The following CYP4A22 variants were observed in gnomAD, a reference collection of about 807,000 sequenced individuals.
CYP4A22 encodes cytochrome P450 4A22.
Under a neutral mutation model 56.2 loss-of-function variants are expected in CYP4A22, and 46 were observed. That is an observed-to-expected ratio of 0.82 (90% CI 0.65 to 1.05). The LOEUF is 1.05. Among genes scored for constraint, CYP4A22 ranks in the 50% least tolerant of loss-of-function variants. The probability of loss-of-function intolerance (pLI) is 0.00; values close to 1 mark genes in which losing one functional copy is unlikely to be tolerated. For synonymous variants in CYP4A22, 193 were observed against 251.1 expected (o/e 0.77, Z 2.19); for missense variants, 541 against 645.9 (o/e 0.84, Z 1.76).
At position 47,141,553 on chromosome 1, in the gene CYP4A22, C is replaced by T; in HGVS notation, c.338-18C>T. The stretch of plus-strand genomic sequence containing the variant: ...TAGTAACTCCTAGTTTCCTATAAAG[C>T]CCTTTCTTACTTTTCAGACCCGAAA... On this transcript the variant is annotated intron_variant, in intron 2 of 11. Transcript: ENST00000371891. 2 of 1,613,028 alleles carry T rather than the reference C, an allele frequency of 1.2e-6. No homozygotes were observed. Among genetic ancestry groups the T allele is most frequent in the Non-Finnish European group, 1.7e-6 (2 of 1,179,316 alleles).
rs746864745 is a variant in CYP4A22 at position 47,148,610 on chromosome 1, T to A, written c.1373T>A (p.Ile458Asn). ...GTCTCCGCCTGGCCCAGGAACTGCA[T>A]CGGGAAACAATTTGCCATGAACCAG... ...LPFSGGSRNC[I>N]GKQFAMNQLK... Residue 458 changes from isoleucine to asparagine, a missense_variant, in exon 12 of 12, where the codon ATC (isoleucine) becomes AAC (asparagine). Transcript: ENST00000371891. 2.2e-5 allele frequency: 35 copies of A among 1,610,306 alleles called. No individual in the cohort carries two copies. The highest frequency in any genetic ancestry group is 2.5e-6 in the Non-Finnish European group (3 of 1,177,878).
Position 47,137,820 on chromosome 1 carries a change from T to C in CYP4A22, c.195+140T>C, listed in dbSNP as rs989231576. 8.9e-5 allele frequency: 124 copies of C among 1,389,726 alleles called. 1 individual carries two copies. Among genetic ancestry groups the C allele is most frequent in the Admixed American group, 3.8e-4 (13 of 34,578 alleles). 86.1% of individuals were successfully genotyped at this position (1,389,726 alleles called of 1,614,324 possible). ...GGAACACCCAGCCTACCTCTCTGGT[T>C]TCAGCTTGTCCCAGTCATGAGGAGC... On this transcript the variant is annotated intron_variant, in intron 1 of 11. Transcript: ENST00000371891.
At chr1:47,146,308 C>G (rs1434474956) in intron 11 of CYP4A22, 155 bp downstream of exon 11, 7 of 1,537,850 alleles carry the variant, frequency 4.6e-6, no homozygotes, top group Non-Finnish European at 2.6e-6. Flanking sequence ...GTGTGGGCGT[C>G]TCTGTGTACA....
rs761854619 is a variant in CYP4A22, at chr1:47,137,586, C to T, written c.101C>T (p.Ala34Val). 1.2e-6 allele frequency: 2 copies of T among 1,614,226 alleles called. No individual in the cohort carries two copies. The highest frequency in any genetic ancestry group is 1.7e-6 in the Non-Finnish European group (2 of 1,180,026). ...ATTCTGCTTCTGCTGCTGATCAAGG[C>T]AGCTCAGCTCTACCTGCATAGGCAG... is the stretch of plus-strand genomic sequence containing the variant. ...LLILLLLLIKAAQLYLHRQWL... is the reference protein window; with the variant it reads ...LLILLLLLIKVAQLYLHRQWL... Residue 34 changes from alanine (A) to valine (V), a missense_variant, in exon 1 of 12, where the codon GCA becomes GTA. This residue lies in a region of CYP4A22 where 335 missense variants were observed against 361.2 expected (regional missense o/e 0.93). Transcript: ENST00000371891.
At position 47,140,915 on chromosome 1, in the gene CYP4A22, A is replaced by G; in HGVS notation, c.331A>G (p.Arg111Gly). ...DPDYMKVILG[R>G]SDPKSHGSYK... The stretch of plus-strand genomic sequence containing the variant: ...TGACTATATGAAGGTGATTCTGGGG[A>G]GATCAGGTGAGATCGAACCCCCATC... The change falls in exon 2 of 12, where the codon AGA (arginine) becomes GGA (glycine). Residue 111 changes from arginine to glycine, a missense_variant. Arg to Gly is a moderately radical substitution (Grantham distance 125, BLOSUM62 -2). This residue lies in a region of CYP4A22 where 335 missense variants were observed against 361.2 expected (regional missense o/e 0.93). Transcript: ENST00000371891. 2 of 1,613,812 alleles carry G rather than the reference A, an allele frequency of 1.2e-6. No homozygotes were observed. Among genetic ancestry groups the G allele is most frequent in the Non-Finnish European group, 1.7e-6 (2 of 1,179,912 alleles).
At chr1:47,147,398 T>A in intron 11 of CYP4A22, 1 of 985,304 alleles carries the variant, frequency 1.0e-6, no homozygotes, top group Non-Finnish European at 1.2e-6. Flanking sequence ...ATTAAAGTAT[T>A]TCTTAAGCTA....
At chr1:47,142,598 G>C (rs1178765148) in intron 4 of CYP4A22, among the ~76,000 whole-genome samples, 2 of 152,234 alleles carry the variant, frequency 1.3e-5, no homozygotes, top group East Asian at 1.9e-4. Context: ...GTGGCAGCAT[G>C]GACAGGCCAA....
At chr1:47,147,803 C>T (rs1448355355) in intron 11 of CYP4A22, among the ~76,000 whole-genome samples, 2 of 152,146 alleles carry the variant, frequency 1.3e-5, no homozygotes, top group Non-Finnish European at 2.9e-5. Context: ...CAAGAGCCCA[C>T]GGAGGGCTTG....
In CYP4A22 at chr1:47,146,103, G is replaced by A. The variant is rs377454198; in HGVS notation, c.1314G>A (p.Pro438=). Residue 438 remains proline (P), a synonymous_variant, in exon 11 of 12, where the codon CCG becomes CCA. Transcript: ENST00000371891. ...TGTTTGACCCTTCCCGTTTTGCACCGGGTTCTGCTCAACACAGCCACGCTT... is the reference window on the plus strand; with the variant it reads ...TGTTTGACCCTTCCCGTTTTGCACCAGGTTCTGCTCAACACAGCCACGCTT... The part of the protein sequence containing the change: ...LEVFDPSRFA[P]GSAQHSHAFL... 1.7e-5 allele frequency: 28 copies of A among 1,613,992 alleles called. No individual in the cohort carries two copies. The highest frequency in any genetic ancestry group is 9.9e-5 in the South Asian group (9 of 91,086).
chr1:47,146,001 G>A (rs1645071781), intron 10 of CYP4A22, 71 bp downstream of exon 10: 3 of 1,614,052 alleles, frequency 1.9e-6, no homozygotes, highest in South Asian at 2.2e-5. Context: ...TTCCACCTCT[G>A]GGAGTACTGT....
chr1:47,147,322 T>C, intron 11 of CYP4A22: 1 of 985,404 alleles, frequency 1.0e-6, no homozygotes, highest in African/African-American at 1.7e-5. Flanking sequence ...TCAGAACTAA[T>C]ATTTTACTCT....
chr1:47,140,416 CA>C (rs1644994817), intron 1 of CYP4A22, among the ~76,000 whole-genome samples: 1 of 152,052 alleles, frequency 6.6e-6, no homozygotes, highest in Non-Finnish European at 1.5e-5. Context: ...TTAAAATGTT[CA>C]CATTAATTCA....
At chr1:47,143,637 T>G (rs544611079) in intron 5 of CYP4A22, 125 bp from the exon 6 acceptor site, 2 of 1,380,400 alleles carry the variant, frequency 1.4e-6, no homozygotes, top group African/African-American at 2.9e-5. Context: ...GGCTGTAAGA[T>G]AGAAGAAACA....
chr1:47,148,031 C>T (rs1372435685), intron 11 of CYP4A22, among the ~76,000 whole-genome samples: 3 of 152,090 alleles, frequency 2.0e-5, no homozygotes, highest in Non-Finnish European at 4.4e-5. Flanking sequence ...GGAGCCCGGA[C>T]CCTGGGGTGG....
rs1320650403 is a variant in CYP4A22, at chr1:47,140,887, C to A, written c.303C>A (p.Asp101Glu). ...WGGKVRVQLY[D>E]PDYMKVILGR... ...GCAAAGTTCGTGTCCAGCTCTATGA[C>A]CCTGACTATATGAAGGTGATTCTGG... Residue 101 changes from aspartate (D) to glutamate (E), a missense_variant, in exon 2 of 12, where the codon GAC becomes GAA. Around this residue, in one of 3 missense-constraint regions of CYP4A22, gnomAD observed 335 missense variants for 361.2 expected, o/e 0.93. Transcript: ENST00000371891. The A allele has an allele frequency of 4.3e-6, 7 of 1,614,124 alleles. No homozygotes were observed. Among genetic ancestry groups the A allele is most frequent in the Non-Finnish European group, 5.9e-6 (7 of 1,180,016 alleles).
rs1297082427 is a variant in CYP4A22 at position 47,148,686 on chromosome 1, T to A, written c.1449T>A (p.Asp483Glu). 8 of 1,613,938 alleles carry A rather than the reference T, an allele frequency of 5.0e-6. No individual in the cohort carries two copies. The African/African-American group carries it at 1.1e-4, about 22-fold the overall frequency. The part of the protein sequence containing the change: ...LTLLRFELLP[D>E]PTRIPIPMAR... ...TGCTCCGCTTTGAGCTGCTGCCTGA[T>A]CCCACCAGGATCCCCATCCCCATGG... Residue 483 changes from aspartate to glutamate, a missense_variant, in exon 12 of 12, where the codon GAT (aspartate) becomes GAA (glutamate). Transcript: ENST00000371891.
chr1:47,144,672 C>A lies in CYP4A22; in HGVS notation c.1020C>A (p.His340Gln), dbSNP rs756911556. The A allele has an allele frequency of 2.5e-6, 4 of 1,613,774 alleles. No homozygotes were observed. Among genetic ancestry groups the A allele is most frequent in the Non-Finnish European group, 3.4e-6 (4 of 1,179,884 alleles). The change falls in exon 8 of 12, where the codon CAC (histidine) becomes CAA (glutamine). Residue 340 changes from histidine to glutamine, a missense_variant. Around this residue, in one of 3 missense-constraint regions of CYP4A22, gnomAD observed 204 missense variants for 258.9 expected, o/e 0.79. Coordinates refer to ENST00000371891, the MANE Select transcript of CYP4A22 (RefSeq NM_001010969.4). ...GGATCCTCTATGCTCTGGCCACACA[C>A]CCCAAGCATCAGGAGAGGTGCCGGG... ...ISWILYALAT[H>Q]PKHQERCREE...
At position 47,148,666 on chromosome 1, in the gene CYP4A22, C is replaced by T. The variant is rs777531624; in HGVS notation, c.1429C>T (p.Arg477Cys). 2.6e-5 allele frequency: 42 copies of T among 1,613,944 alleles called. No individual in the cohort carries two copies. The highest frequency in any genetic ancestry group is 2.0e-4 in the Admixed American group (12 of 59,990). ...LKVARALTLL[R>C]FELLPDPTRI... ...GGTGGCCAGGGCCCTGACCCTGCTC[C>T]GCTTTGAGCTGCTGCCTGATCCCAC... Residue 477 changes from arginine (R) to cysteine (C), a missense_variant, in exon 12 of 12, where the codon CGC becomes TGC. Physicochemically the swap from Arg to Cys is radical, Grantham distance 180 (BLOSUM62 -3). Around this residue, in one of 3 missense-constraint regions of CYP4A22, gnomAD observed 204 missense variants for 258.9 expected, o/e 0.79. Coordinates refer to ENST00000371891, the MANE Select transcript of CYP4A22 (RefSeq NM_001010969.4).
At chr1:47,143,129 C>G in intron 4 of CYP4A22, 140 bp from the exon 5 acceptor site, 2 of 1,486,964 alleles carry the variant, frequency 1.3e-6, no homozygotes, top group Non-Finnish European at 1.8e-6. Context: ...TGCATCTGCT[C>G]TGTAAAGTGA....
Sources: gnomAD v4.1 joint callset for allele counts (sites outside exome capture counted in the v4.1 genomes callset) on GRCh38, gnomAD v4.1.1 for gene constraint, gnomAD v4.1.1 regional missense constraint, MANE v1.5 for transcripts, NCBI Gene and HGNC (gene_info 2026-07-23, HGNC 2026-07-21) for gene names.